The following SCHIP1 variants were observed in gnomAD, a reference collection of about 807,000 sequenced individuals.
The protein encoded by SCHIP1 is schwannomin interacting protein 1.
In SCHIP1, 8 loss-of-function variants were observed where a neutral mutation model predicts 29.7. The ratio of observed to expected loss-of-function variants is 0.27; its 90% CI spans 0.16 to 0.49. The LOEUF is 0.49. Ranked by LOEUF, SCHIP1 falls within the 20% of genes least tolerant of loss-of-function variation. The pLI is 0.99. For missense variants in SCHIP1, 193 were observed against 294.6 expected (o/e 0.66, Z 2.52); for synonymous variants, 76 against 94.9 (o/e 0.80, Z 1.16).
chr3:159,506,110 T>C, the SCHIP1 span, among the ~76,000 whole-genome samples: 8 of 152,204 alleles, frequency 5.3e-5, no homozygotes, highest in African/African-American at 1.7e-4. Context: ...TTCCTATTTC[T>C]CCACATCCTC....
chr3:159,403,494 G>A, the SCHIP1 span, among the ~76,000 whole-genome samples: 6 of 152,330 alleles, frequency 3.9e-5, no homozygotes, highest in South Asian at 2.1e-4. Flanking sequence ...GGAAGAGAGA[G>A]TGCAGTGATT....
At chr3:159,494,920 G>A in the SCHIP1 span, among the ~76,000 whole-genome samples, 2 of 152,134 alleles carry the variant, frequency 1.3e-5, no homozygotes, top group African/African-American at 4.8e-5. Context: ...GATCAAGTGG[G>A]CTTCATCCCT....
At chr3:159,678,933 A>G in the SCHIP1 span, among the ~76,000 whole-genome samples, 2 of 152,214 alleles carry the variant, frequency 1.3e-5, no homozygotes, top group Non-Finnish European at 2.9e-5. Context: ...CTTTGATTCA[A>G]TTATCTCTAC....
the SCHIP1 span, among the ~76,000 whole-genome samples, chr3:159,730,774 C>G: frequency 2.8e-4 from 42 of 152,104 alleles, no homozygotes; most frequent in Non-Finnish European, 4.7e-4. Context: ...AGGAGCTCCC[C>G]TTTCCCTCTC....
At position 159,886,189 on chromosome 3, in the gene SCHIP1, C is replaced by T; in HGVS notation, c.150-18C>T. The T allele has an allele frequency of 1.9e-6, 3 of 1,613,550 alleles. No homozygotes were observed. ...CAAACAGCTAAGTAGAACTAGTGTCCTGTTTGTTTCTGCCCAGACTGCAGA... is the reference window on the plus strand; with the variant it reads ...CAAACAGCTAAGTAGAACTAGTGTCTTGTTTGTTTCTGCCCAGACTGCAGA... On this transcript the variant is annotated intron_variant, in intron 2 of 6. Coordinates refer to ENST00000445224, the Ensembl canonical transcript of SCHIP1.
chr3:159,313,119 CCTT>C, the SCHIP1 span, among the ~76,000 whole-genome samples: 3 of 152,036 alleles, frequency 2.0e-5, no homozygotes, highest in African/African-American at 7.2e-5. Context: ...ACTCTATAGT[CCTT>C]ATTATTTAAA....
the SCHIP1 span, among the ~76,000 whole-genome samples, chr3:159,598,189 C>T: frequency 3.9e-5 from 6 of 152,222 alleles, no homozygotes; most frequent in East Asian, 3.9e-4. Context: ...CCATATTCTG[C>T]CCCTGGCCTC....
intron 2 of SCHIP1, among the ~76,000 whole-genome samples, chr3:159,871,877 G>T (rs1466334617): frequency 6.6e-6 from 1 of 152,100 alleles, no homozygotes; most frequent in Non-Finnish European, 1.5e-5. Flanking sequence ...AGGTGGTCAG[G>T]GCAGATAGCA....
At chr3:159,863,135 A>G (rs1477167545) in intron 1 of SCHIP1, among the ~76,000 whole-genome samples, 1 of 152,170 alleles carries the variant, frequency 6.6e-6, no homozygotes, top group Non-Finnish European at 1.5e-5. Context: ...AGGTCAAGAG[A>G]TTGAGACCAT....
chr3:159,644,658 A>G, the SCHIP1 span, among the ~76,000 whole-genome samples: 1 of 152,174 alleles, frequency 6.6e-6, no homozygotes, highest in Admixed American at 6.5e-5. Context: ...AACAAGGTAG[A>G]CCACAACTCT....
At position 159,894,323 on chromosome 3, in the gene SCHIP1, G is replaced by A. The variant is rs574595148; in HGVS notation, c.683+2133G>A. 15 of 152,336 alleles carry A rather than the reference G, an allele frequency of 9.8e-5. No individual in the cohort carries two copies. The South Asian group carries it at 3.1e-3, about 32-fold the overall frequency. The allele number at this position is 152,336 out of a possible 1,614,324, so 9.4% of individuals were successfully genotyped here. ...CATTCATTCTCCCCTTATATGGACT[G>A]TCAGTGCATTAAACTTATTACACCT... On this transcript the variant is annotated intron_variant, in intron 6 of 6. Coordinates refer to ENST00000445224, the Ensembl canonical transcript of SCHIP1.
chr3:159,338,379 C>T, the SCHIP1 span, among the ~76,000 whole-genome samples: 2 of 152,082 alleles, frequency 1.3e-5, no homozygotes, highest in African/African-American at 4.8e-5. Flanking sequence ...AGTGTACAGG[C>T]TTTGATGTAG....
At chr3:159,704,904 CTTTATTTCTTTCTTTCTTTCTTTCTTT>C in the SCHIP1 span, among the ~76,000 whole-genome samples, 4 of 70,142 alleles carry the variant, frequency 5.7e-5, no homozygotes, top group East Asian at 3.4e-4. Flanking sequence ...TTCTTTCTTT[CTTTATTTCTTTCTTTCTTTCTTTCTTT>C]CTTTCTTTCC....
the SCHIP1 span, among the ~76,000 whole-genome samples, chr3:159,670,413 G>A: frequency 7.2e-5 from 11 of 152,084 alleles, no homozygotes; most frequent in Non-Finnish European, 1.6e-4. Flanking sequence ...ATGTTTAGTT[G>A]AATTTAAACA....
chr3:159,516,073 C>T, the SCHIP1 span, among the ~76,000 whole-genome samples: 2 of 151,796 alleles, frequency 1.3e-5, no homozygotes, highest in African/African-American at 4.8e-5. Flanking sequence ...TTTGGTGACT[C>T]CTCTTCTCCT....
At chr3:159,606,848 A>G in the SCHIP1 span, among the ~76,000 whole-genome samples, 2 of 152,334 alleles carry the variant, frequency 1.3e-5, no homozygotes, top group East Asian at 3.9e-4. Context: ...GCTGAATCCA[A>G]CTGGAAGCCA....
the SCHIP1 span, among the ~76,000 whole-genome samples, chr3:159,428,870 A>G: frequency 6.6e-6 from 1 of 152,216 alleles, no homozygotes; most frequent in Non-Finnish European, 1.5e-5. Flanking sequence ...GCAGCCATAA[A>G]AAGTGATGAG....
chr3:159,713,253 A>G, the SCHIP1 span, among the ~76,000 whole-genome samples: 1,237 of 149,074 alleles, frequency 8.3e-3, 13 homozygotes, highest in African/African-American at 0.028. Context: ...AGAAAGAAAG[A>G]AAGAAAGAAA....
the SCHIP1 span, among the ~76,000 whole-genome samples, chr3:159,812,658 A>G: frequency 1.3e-5 from 2 of 152,214 alleles, no homozygotes; most frequent in African/African-American, 4.8e-5. Flanking sequence ...ATTTTTGTTT[A>G]TATTTTGTAA....
Sources: allele counts gnomAD v4.1 joint callset (sites outside exome capture counted in the v4.1 genomes callset), GRCh38; gene constraint gnomAD v4.1.1; transcripts MANE v1.5; gene names NCBI Gene and HGNC (gene_info 2026-07-23, HGNC 2026-07-21).